The following ASH1L variants were observed in gnomAD, a reference collection of about 807,000 sequenced individuals.
ASH1L encodes ASH1 like histone lysine methyltransferase.
ASH1L carries 23 observed loss-of-function variants against 269.0 expected under a neutral mutation model. That is an observed-to-expected ratio of 0.09 (90% CI 0.06 to 0.12). The LOEUF (loss-of-function observed/expected upper bound fraction) is 0.12. Among genes scored for constraint, ASH1L ranks in the 10% least tolerant of loss-of-function variants. The pLI, the probability that ASH1L is intolerant of heterozygous loss-of-function variation, is 1.00. For synonymous variants in ASH1L, 1,187 were observed against 1,253.5 expected, an observed-to-expected ratio of 0.95 and a Z score of 1.12; for missense variants, 2,912 against 3,567.8, an observed-to-expected ratio of 0.82 and a Z score of 4.68.
intron 6 of ASH1L, among the ~76,000 whole-genome samples, chr1:155,407,417 T>G (rs1046200263): frequency 6.6e-6 from 1 of 152,136 alleles, no homozygotes; most frequent in African/African-American, 2.4e-5. Context: ...AACCCAGTAA[T>G]TCAATTTCTA....
At chr1:155,545,502 T>A (rs1670746310) in intron 1 of ASH1L, among the ~76,000 whole-genome samples, 1 of 151,732 alleles carries the variant, frequency 6.6e-6, no homozygotes, top group African/African-American at 2.4e-5. Context: ...ATTTCTTAGT[T>A]AAAAGCAAGC....
chr1:155,339,439 T>C, intron 25 of ASH1L, 71 bp from the exon 26 acceptor site: 1 of 1,455,612 alleles, frequency 6.9e-7, no homozygotes, highest in South Asian at 1.1e-5. Context: ...CTGGGGCCAG[T>C]CAGGATAAGG....
chr1:155,485,643 C>T (rs937452815), intron 2 of ASH1L, among the ~76,000 whole-genome samples: 7 of 152,076 alleles, frequency 4.6e-5, no homozygotes, highest in African/African-American at 1.4e-4. Flanking sequence ...AAACGTACAA[C>T]TATAAAATCA....
chr1:155,525,446 C>T (rs1247298980), intron 1 of ASH1L, among the ~76,000 whole-genome samples: 3 of 150,578 alleles, frequency 2.0e-5, no homozygotes. Flanking sequence ...AATTACAATG[C>T]AGAAGTATTA....
chr1:155,443,812 T>C (rs1662783853), intron 4 of ASH1L, among the ~76,000 whole-genome samples: 1 of 152,200 alleles, frequency 6.6e-6, no homozygotes, highest in African/African-American at 2.4e-5. Flanking sequence ...ACAACTGAAT[T>C]ATATGAATAT....
intron 14 of ASH1L, 68 bp downstream of exon 14, chr1:155,357,517 T>TA: frequency 1.9e-6 from 3 of 1,602,666 alleles, no homozygotes; most frequent in South Asian, 2.2e-5. Flanking sequence ...GTAATTCCCT[T>TA]ATTCCAGCAA....
chr1:155,356,180 G>A (rs912482517), intron 15 of ASH1L, among the ~76,000 whole-genome samples: 1 of 151,874 alleles, frequency 6.6e-6, no homozygotes, highest in South Asian at 2.1e-4. Flanking sequence ...CAGGTGATCC[G>A]CCTGCCTTGG....
At chr1:155,355,427 C>T (rs1466452749) in intron 15 of ASH1L, among the ~76,000 whole-genome samples, 1 of 152,194 alleles carries the variant, frequency 6.6e-6, no homozygotes, top group Non-Finnish European at 1.5e-5. Context: ...TTCCATTATT[C>T]AATTTCCACA....
intron 4 of ASH1L, among the ~76,000 whole-genome samples, chr1:155,455,604 C>T (rs1402773545): frequency 1.3e-5 from 2 of 152,044 alleles, no homozygotes; most frequent in Non-Finnish European, 1.5e-5. Flanking sequence ...CTTTAAATTG[C>T]AAAATAAAGG....
At chr1:155,496,055 T>C (rs1667134524) in intron 2 of ASH1L, among the ~76,000 whole-genome samples, 1 of 152,216 alleles carries the variant, frequency 6.6e-6, no homozygotes, top group African/African-American at 2.4e-5. Flanking sequence ...CCTTTTTTAC[T>C]TTATTACCTT....
At chr1:155,375,506 G>A (rs958558007) in intron 10 of ASH1L, among the ~76,000 whole-genome samples, 4 of 152,140 alleles carry the variant, frequency 2.6e-5, no homozygotes, top group Non-Finnish European at 5.9e-5. Flanking sequence ...CGAGAGTTGG[G>A]CTGGATGCAG....
intron 5 of ASH1L, among the ~76,000 whole-genome samples, chr1:155,417,232 G>A (rs1171141836): frequency 2.6e-5 from 4 of 151,740 alleles, no homozygotes; most frequent in Non-Finnish European, 5.9e-5. Flanking sequence ...ATCACGCCCA[G>A]CCTCCACCTT....
chr1:155,528,681 A>G (rs1188500569), intron 1 of ASH1L, among the ~76,000 whole-genome samples: 1 of 152,174 alleles, frequency 6.6e-6, no homozygotes, highest in Non-Finnish European at 1.5e-5. Context: ...TGCTTAACTC[A>G]AAGTCCATTG....
At chr1:155,362,150 C>T (rs1242008885) in intron 12 of ASH1L, among the ~76,000 whole-genome samples, 3 of 151,986 alleles carry the variant, frequency 2.0e-5, no homozygotes, top group African/African-American at 7.2e-5. Context: ...ATTCTCCTAC[C>T]TCAGCTTCCT....
intron 3 of ASH1L, among the ~76,000 whole-genome samples, chr1:155,460,750 T>C (rs1270637667): frequency 2.0e-5 from 3 of 152,228 alleles, no homozygotes; most frequent in African/African-American, 4.8e-5. Context: ...TACAGTAAGT[T>C]TCTTTTAAAG....
chr1:155,490,784 C>T (rs987509188), intron 2 of ASH1L, among the ~76,000 whole-genome samples: 10 of 151,658 alleles, frequency 6.6e-5, no homozygotes, highest in Admixed American at 2.0e-4. Flanking sequence ...CAGGGAGACC[C>T]CCTTCTCTAC....
At chr1:155,548,537 TA>T (rs1670985061) in intron 1 of ASH1L, among the ~76,000 whole-genome samples, 1 of 152,006 alleles carries the variant, frequency 6.6e-6, no homozygotes, top group Non-Finnish European at 1.5e-5. Flanking sequence ...AAAAGAGAGA[TA>T]AAAAATAGAC....
At chr1:155,467,440 G>C in intron 3 of ASH1L, among the ~76,000 whole-genome samples, 1 of 152,158 alleles carries the variant, frequency 6.6e-6, no homozygotes, top group Non-Finnish European at 1.5e-5. Flanking sequence ...GTACAGTACA[G>C]AACAGTATAT....
intron 4 of ASH1L, among the ~76,000 whole-genome samples, chr1:155,445,179 T>C (rs1662913644): frequency 6.6e-6 from 1 of 152,174 alleles, no homozygotes; most frequent in Non-Finnish European, 1.5e-5. Context: ...AATAGTCACA[T>C]TTGTCAAAAA....
Sources: allele counts gnomAD v4.1 joint callset (sites outside exome capture counted in the v4.1 genomes callset), GRCh38; gene constraint gnomAD v4.1.1; transcripts MANE v1.5; gene names NCBI Gene and HGNC (gene_info 2026-07-23, HGNC 2026-07-21).